The following GUCY1A2 variants were observed in gnomAD, a reference collection of about 807,000 sequenced individuals.
GUCY1A2 encodes the protein guanylate cyclase 1 soluble subunit alpha 2, also known as guanylate cyclase soluble subunit alpha-2.
In GUCY1A2, 27 loss-of-function variants were observed where a neutral mutation model predicts 63.5. The observed-to-expected ratio is 0.43, with a 90% confidence interval of 0.31 to 0.59. GUCY1A2 has a LOEUF of 0.59. Ranked by LOEUF, GUCY1A2 falls within the 20% of genes least tolerant of loss-of-function variation. The pLI is 0.11. For missense variants in GUCY1A2, 768 were observed against 913.3 expected, an observed-to-expected ratio of 0.84 and a Z score of 2.05; for synonymous variants, 364 against 343.5, an observed-to-expected ratio of 1.06 and a Z score of -0.66.
At chr11:106,824,951 T>G (rs1045792317) in intron 4 of GUCY1A2, 4 of 1,613,238 alleles carry the variant, frequency 2.5e-6, no homozygotes, top group Non-Finnish European at 3.4e-6. Context: ...AAATCGATGA[T>G]GCCTGACATG....
chr11:106,821,822 T>C (rs1225312626), intron 4 of GUCY1A2, among the ~76,000 whole-genome samples: 1 of 152,190 alleles, frequency 6.6e-6, no homozygotes, highest in East Asian at 1.9e-4. Flanking sequence ...TATTATGTGT[T>C]TGTGTATTAT....
At chr11:106,767,997 A>G (rs1170938072) in intron 6 of GUCY1A2, among the ~76,000 whole-genome samples, 2 of 152,328 alleles carry the variant, frequency 1.3e-5, no homozygotes, top group Middle Eastern at 3.4e-3. Context: ...ATTACAATCC[A>G]CAACAAACAA....
chr11:106,708,756 T>C, intron 6 of GUCY1A2, 90 bp from the exon 7 acceptor site: 1 of 756,992 alleles, frequency 1.3e-6, no homozygotes, highest in Non-Finnish European at 1.9e-6. Context: ...TTAATAATAA[T>C]AATAATAAAA....
At chr11:106,794,750 C>A (rs778887394) in intron 5 of GUCY1A2, among the ~76,000 whole-genome samples, 6 of 151,950 alleles carry the variant, frequency 3.9e-5, no homozygotes, top group Non-Finnish European at 7.4e-5. Flanking sequence ...TTACCCAATG[C>A]CTAGATTAGC....
At chr11:106,761,634 C>A (rs188583242) in intron 6 of GUCY1A2, among the ~76,000 whole-genome samples, 28 of 152,174 alleles carry the variant, frequency 1.8e-4, no homozygotes, top group South Asian at 6.2e-4. Flanking sequence ...ATAACTTTCC[C>A]AGTGTAAAAC....
At chr11:106,824,006 T>C in intron 4 of GUCY1A2, 1 of 1,174,664 alleles carries the variant, frequency 8.5e-7, no homozygotes, top group Non-Finnish European at 1.2e-6. Flanking sequence ...ATAAATTTGT[T>C]TTCCGTGATT....
intron 1 of GUCY1A2, among the ~76,000 whole-genome samples, chr11:107,011,768 C>A (rs1420887006): frequency 2.7e-5 from 4 of 148,446 alleles, no homozygotes; most frequent in Non-Finnish European, 5.9e-5. Context: ...GGAGCAAGAC[C>A]CTATTTCAAA....
At chr11:106,948,111 G>A (rs2120008499) in intron 3 of GUCY1A2, among the ~76,000 whole-genome samples, 1 of 152,204 alleles carries the variant, frequency 6.6e-6, no homozygotes, top group Non-Finnish European at 1.5e-5. Context: ...GTTGACTCAA[G>A]AAGAACCTGA....
At chr11:106,709,021 C>A (rs916691937) in intron 6 of GUCY1A2, among the ~76,000 whole-genome samples, 1 of 149,328 alleles carries the variant, frequency 6.7e-6, no homozygotes, top group African/African-American at 2.5e-5. Context: ...TCCAGTTATT[C>A]TTAAATAAAA....
chr11:106,964,406 G>A (rs1861100307), intron 3 of GUCY1A2, among the ~76,000 whole-genome samples: 1 of 152,214 alleles, frequency 6.6e-6, no homozygotes, highest in South Asian at 2.1e-4. Context: ...GAGTTAAATA[G>A]GCCCCAAAGA....
intron 7 of GUCY1A2, among the ~76,000 whole-genome samples, chr11:106,691,122 A>G (rs988872429): frequency 6.6e-5 from 10 of 152,218 alleles, no homozygotes; most frequent in African/African-American, 2.2e-4. Context: ...ATAGGTGTCA[A>G]TCATTGATGT....
chr11:106,688,961 G>A (rs550259215), intron 7 of GUCY1A2, among the ~76,000 whole-genome samples: 42 of 152,292 alleles, frequency 2.8e-4, no homozygotes, highest in African/African-American at 9.9e-4. Flanking sequence ...CCTAAACTAA[G>A]AGTTTAGACT....
intron 6 of GUCY1A2, among the ~76,000 whole-genome samples, chr11:106,719,416 G>GT (rs1863274970): frequency 6.6e-6 from 1 of 152,176 alleles, no homozygotes; most frequent in South Asian, 2.1e-4. Flanking sequence ...GAGTCTCATA[G>GT]TATTACATGT....
At chr11:106,838,815 T>G (rs1295367205) in intron 4 of GUCY1A2, among the ~76,000 whole-genome samples, 4 of 152,090 alleles carry the variant, frequency 2.6e-5, no homozygotes, top group South Asian at 2.1e-4. Flanking sequence ...TCGCCTACTT[T>G]TTGATGGGGT....
chr11:106,876,784 C>A, intron 4 of GUCY1A2, among the ~76,000 whole-genome samples: 1 of 152,046 alleles, frequency 6.6e-6, no homozygotes, highest in Non-Finnish European at 1.5e-5. Flanking sequence ...CTATACACTC[C>A]ATGCTTATTT....
rs1862536529 is a variant in GUCY1A2, at chr11:106,686,945, A to ATTATATATAATATAAT, written c.*603_*604insATTATATTATATATAA. ...AGGTTAGCATTATATATAATATACTAACAATACAGAAGCAGATTCTGAAAA... is the reference window on the plus strand; with the variant it reads ...AGGTTAGCATTATATATAATATACTATTATATATAATATAATACAATACAGAAGCAGATTCTGAAAA... On this transcript the variant is annotated 3_prime_UTR_variant, in exon 8 of 8. Coordinates refer to ENST00000526355, the MANE Select transcript of GUCY1A2 (RefSeq NM_000855.3). 1 of 199,398 alleles carries ATTATATATAATATAAT rather than the reference A, an allele frequency of 5.0e-6. No individual in the cohort carries two copies. The highest frequency in any genetic ancestry group is 1.0e-5 in the Non-Finnish European group (1 of 96,712). The allele number at this position is 199,398 out of a possible 1,614,324, so 12.4% of individuals were successfully genotyped here.
At chr11:106,969,579 A>C (rs910593152) in intron 3 of GUCY1A2, among the ~76,000 whole-genome samples, 1 of 152,122 alleles carries the variant, frequency 6.6e-6, no homozygotes, top group Admixed American at 6.5e-5. Context: ...ACAAAAAAAA[A>C]CAGTATTTCA....
intron 5 of GUCY1A2, among the ~76,000 whole-genome samples, chr11:106,783,245 C>A (rs1864496738): frequency 6.6e-6 from 1 of 152,178 alleles, no homozygotes; most frequent in South Asian, 2.1e-4. Context: ...AAGTGATGGG[C>A]ATGTTCATAA....
At position 106,930,826 on chromosome 11, in the gene GUCY1A2, A is replaced by G. The variant is rs913905272; in HGVS notation, c.1206+8634T>C. Among the ~76,000 whole-genome samples, 8 of 152,372 alleles carry G rather than the reference A, an allele frequency of 5.3e-5. No individual in the cohort carries two copies. In the South Asian group the frequency reaches 1.4e-3, roughly 28 times the overall value. ...ACAGCGACCCATGCCTGTAAATCCCAGCACTTTGGCAAGCCAAGGCAGGCG... is the reference window on the plus strand; with the variant it reads ...ACAGCGACCCATGCCTGTAAATCCCGGCACTTTGGCAAGCCAAGGCAGGCG... On this transcript the variant is annotated intron_variant, in intron 4 of 7. Coordinates refer to ENST00000526355, the MANE Select transcript of GUCY1A2 (RefSeq NM_000855.3).
Sources: gnomAD v4.1 joint callset for allele counts (sites outside exome capture counted in the v4.1 genomes callset) on GRCh38, gnomAD v4.1.1 for gene constraint, MANE v1.5 for transcripts, NCBI Gene and HGNC (gene_info 2026-07-23, HGNC 2026-07-21) for gene names.